IMMP2L: variants seen among roughly 807,000 people sequenced by gnomAD.
The protein encoded by IMMP2L is inner mitochondrial membrane peptidase subunit 2, also known as mitochondrial inner membrane protease subunit 2.
IMMP2L carries 18 observed loss-of-function variants against 19.3 expected under a neutral mutation model. The observed-to-expected ratio is 0.93, with a 90% confidence interval of 0.64 to 1.38. IMMP2L has a LOEUF of 1.38. Among genes scored for constraint, IMMP2L ranks in the 40% most tolerant of loss-of-function variants. IMMP2L has a pLI of 0.00. For synonymous variants in IMMP2L, 76 were observed against 73.0 expected, an observed-to-expected ratio of 1.04 and a Z score of -0.21; for missense variants, 233 against 218.2, an observed-to-expected ratio of 1.07 and a Z score of -0.43.
chr7:110,774,962 C>A (rs1209581777), intron 5 of IMMP2L, among the ~76,000 whole-genome samples: 2 of 151,946 alleles, frequency 1.3e-5, no homozygotes, highest in Non-Finnish European at 1.5e-5. Context: ...TTAAATAAAT[C>A]AATCCTGGCA....
chr7:110,861,524 A>G (rs1027972202), intron 5 of IMMP2L, among the ~76,000 whole-genome samples: 1 of 151,928 alleles, frequency 6.6e-6, no homozygotes, highest in Non-Finnish European at 1.5e-5. Flanking sequence ...TCAGCCTCCC[A>G]AAGTGCTGGG....
At chr7:111,011,410 T>A (rs1824940903) in intron 3 of IMMP2L, among the ~76,000 whole-genome samples, 1 of 152,052 alleles carries the variant, frequency 6.6e-6, no homozygotes, top group South Asian at 2.1e-4. Flanking sequence ...AAGAAAAAAG[T>A]ACCCAAAAAT....
intron 3 of IMMP2L, among the ~76,000 whole-genome samples, chr7:111,242,605 T>A (rs2129630104): frequency 6.6e-6 from 1 of 152,192 alleles, no homozygotes; most frequent in South Asian, 2.1e-4. Flanking sequence ...TAGTGAGCTA[T>A]TCATAGCACA....
chr7:111,179,271 C>T (rs1807435577), intron 3 of IMMP2L, among the ~76,000 whole-genome samples: 2 of 152,020 alleles, frequency 1.3e-5, no homozygotes, highest in Non-Finnish European at 2.9e-5. Flanking sequence ...ATGCTATAAA[C>T]CAAGCTTGTT....
chr7:111,539,230 GAAAGAAA>G (rs1848278104), intron 1 of IMMP2L, among the ~76,000 whole-genome samples: 1 of 126,076 alleles, frequency 7.9e-6, no homozygotes, highest in East Asian at 2.1e-4. Context: ...AAGAAAGAAA[GAAAGAAA>G]GAAAGAAAGA....
chr7:111,550,798 T>C (rs1214030561), intron 1 of IMMP2L, among the ~76,000 whole-genome samples: 1 of 152,142 alleles, frequency 6.6e-6, no homozygotes, highest in African/African-American at 2.4e-5. Flanking sequence ...CTCTGCCCAC[T>C]GTAGCCTGCT....
chr7:111,160,518 A>G (rs1479328474), intron 3 of IMMP2L, among the ~76,000 whole-genome samples: 2 of 151,932 alleles, frequency 1.3e-5, no homozygotes, highest in African/African-American at 2.4e-5. Context: ...ATTAACATCT[A>G]TGACTCAACT....
intron 3 of IMMP2L, among the ~76,000 whole-genome samples, chr7:111,043,649 A>G (rs1792106024): frequency 6.6e-6 from 1 of 152,234 alleles, no homozygotes; most frequent in African/African-American, 2.4e-5. Context: ...GAAAATGCAA[A>G]TATCACTGTG....
At chr7:111,432,896 C>T (rs904846489) in intron 3 of IMMP2L, among the ~76,000 whole-genome samples, 1 of 150,770 alleles carries the variant, frequency 6.6e-6, no homozygotes. Context: ...CATTTCTATA[C>T]ACCAGTAACG....
At chr7:111,557,801 T>A (rs1212393361) in intron 1 of IMMP2L, among the ~76,000 whole-genome samples, 1 of 152,096 alleles carries the variant, frequency 6.6e-6, no homozygotes, top group African/African-American at 2.4e-5. Flanking sequence ...TAGTTCCATG[T>A]ACATTACTAG....
intron 3 of IMMP2L, among the ~76,000 whole-genome samples, chr7:111,447,852 G>A (rs1328651034): frequency 2.6e-5 from 4 of 151,514 alleles, no homozygotes; most frequent in Admixed American, 6.6e-5. Context: ...AAAATAAAAG[G>A]ATGGAAGAAG....
At chr7:111,382,619 A>G (rs77034701) in intron 3 of IMMP2L, among the ~76,000 whole-genome samples, 6,600 of 152,224 alleles carry the variant, frequency 0.043, 232 homozygotes, top group South Asian at 0.081. Flanking sequence ...AGCATGTTCA[A>G]AAGCTCAGAA....
intron 3 of IMMP2L, among the ~76,000 whole-genome samples, chr7:111,092,048 T>A (rs1340267508): frequency 1.3e-5 from 2 of 152,352 alleles, no homozygotes; most frequent in Non-Finnish European, 2.9e-5. Context: ...AGGCAAATGC[T>A]GTTGTATGTT....
At chr7:111,285,412 G>C (rs961231278) in intron 3 of IMMP2L, among the ~76,000 whole-genome samples, 2 of 152,114 alleles carry the variant, frequency 1.3e-5, no homozygotes, top group Non-Finnish European at 2.9e-5. Context: ...GAAAATGAAG[G>C]GAAGAGGCAA....
At chr7:111,200,545 T>G (rs567302607) in intron 3 of IMMP2L, among the ~76,000 whole-genome samples, 98 of 152,208 alleles carry the variant, frequency 6.4e-4, no homozygotes, top group Admixed American at 6.1e-3. Flanking sequence ...TTTGGAAGCT[T>G]ACATTTAAAA....
intron 5 of IMMP2L, among the ~76,000 whole-genome samples, chr7:110,842,237 T>A (rs1805163561): frequency 6.6e-6 from 1 of 152,172 alleles, no homozygotes; most frequent in Non-Finnish European, 1.5e-5. Context: ...AATATTTCAA[T>A]AATTTATTTT....
At chr7:111,086,719 A>G (rs752128841) in intron 3 of IMMP2L, among the ~76,000 whole-genome samples, 10 of 152,160 alleles carry the variant, frequency 6.6e-5, no homozygotes, top group Admixed American at 2.0e-4. Flanking sequence ...GCCCCTCACC[A>G]TCAGTGACTC....
intron 3 of IMMP2L, among the ~76,000 whole-genome samples, chr7:111,206,391 C>T (rs1810710397): frequency 6.6e-6 from 1 of 152,154 alleles, no homozygotes; most frequent in South Asian, 2.1e-4. Context: ...TCAAGCCTTT[C>T]AATTAGTTCC....
chr7:111,133,507 G>A (rs770323802), intron 3 of IMMP2L, among the ~76,000 whole-genome samples: 20 of 151,950 alleles, frequency 1.3e-4, no homozygotes, highest in Non-Finnish European at 1.8e-4. Flanking sequence ...AGAAAGTTCT[G>A]AAGGACAAAG....
Sources: allele counts gnomAD v4.1 joint callset (sites outside exome capture counted in the v4.1 genomes callset), GRCh38; gene constraint gnomAD v4.1.1; transcripts MANE v1.5; gene names NCBI Gene and HGNC (gene_info 2026-07-23, HGNC 2026-07-21).